Variants in IFRD2 observed in about 807,000 individuals in gnomAD.
The protein encoded by IFRD2 is interferon related developmental regulator 2, also known as interferon-related developmental regulator 2.
In IFRD2, 35 loss-of-function variants were observed where a neutral mutation model predicts 49.2. That is an observed-to-expected ratio of 0.71 (90% CI 0.54 to 0.94). The LOEUF (loss-of-function observed/expected upper bound fraction) is 0.94. Among genes scored for constraint, IFRD2 ranks in the 40% least tolerant of loss-of-function variants. IFRD2 has a pLI of 0.00. For synonymous variants in IFRD2, 275 were observed against 239.7 expected (o/e 1.15, Z -1.36); for missense variants, 561 against 591.6 (o/e 0.95, Z 0.54).
intron 1 of IFRD2, among the ~76,000 whole-genome samples, chr3:50,291,495 C>G (rs996693029): frequency 6.6e-6 from 1 of 152,132 alleles, no homozygotes; most frequent in Non-Finnish European, 1.5e-5. Context: ...GGGGCTGACA[C>G]CACTCAGTGA....
At chr3:50,289,871 AC>A (rs1701638071) in intron 5 of IFRD2, 57 bp downstream of exon 5, 3 of 1,604,888 alleles carry the variant, frequency 1.9e-6, no homozygotes, top group Admixed American at 1.7e-5. Context: ...GGGGGAACCC[AC>A]CACTCTGCTG....
chr3:50,289,251 G>A lies in IFRD2; in HGVS notation c.885+4C>T, dbSNP rs782085860. The A allele has an allele frequency of 1.8e-5, 28 of 1,564,912 alleles. No homozygotes were observed. The highest frequency in any genetic ancestry group is 1.3e-4 in the South Asian group (11 of 84,876). On this transcript the variant is annotated splice_donor_region_variant and intron_variant, in intron 8 of 11. Coordinates refer to ENST00000417626, the MANE Select transcript of IFRD2 (RefSeq NM_006764.5). ...CAAGCACCCCCCATCCTTGTCCCTC[G>A]CACCTCAAGGTCCCGGGCAAGCTCA... is the stretch of plus-strand genomic sequence containing the variant.
At position 50,288,558 on chromosome 3, in the gene IFRD2, G is replaced by A. The variant is rs374057124; in HGVS notation, c.1152+25C>T. ...CCAGACTGAAGCAACCACACCAGAT[G>A]TCCCCTCCCTGTCCGTCCCCGCACC... is the stretch of plus-strand genomic sequence containing the variant. On this transcript the variant is annotated intron_variant, in intron 10 of 11. Coordinates refer to ENST00000417626, the MANE Select transcript of IFRD2 (RefSeq NM_006764.5). The A allele has an allele frequency of 2.7e-5, 44 of 1,613,992 alleles. No individual in the cohort carries two copies. In the African/African-American group the frequency reaches 4.9e-4, roughly 18 times the overall value.
Position 50,288,587 on chromosome 3 carries a change from AGGT to A in IFRD2, c.1145_1147del (p.His382del). The A allele has an allele frequency of 6.2e-7, 1 of 1,613,936 alleles. No individual in the cohort carries two copies. The highest frequency in any genetic ancestry group is 8.5e-7 in the Non-Finnish European group (1 of 1,179,880). ...CCTCCCTGTCCGTCCCCGCACCTGG[AGGT>A]GGTGGTGCATGCCCGAACCCAGCAC... On this transcript the variant is annotated inframe_deletion, in exon 10 of 12. Transcript: ENST00000417626.
In IFRD2 at chr3:50,290,313, G is replaced by T. The variant is rs199620289; in HGVS notation, c.264-19C>A. 2 of 1,608,172 alleles carry T rather than the reference G, an allele frequency of 1.2e-6. No individual in the cohort carries two copies. Among genetic ancestry groups the T allele is most frequent in the Non-Finnish European group, 1.7e-6 (2 of 1,177,254 alleles). ...CTTGGCACTGGGGGAGGTCGAGAAG[G>T]GGGGTCATATGGGCCAGCCCTCCCT... is the stretch of plus-strand genomic sequence containing the variant. On this transcript the variant is annotated intron_variant, in intron 3 of 11. Coordinates refer to ENST00000417626, the MANE Select transcript of IFRD2 (RefSeq NM_006764.5).
In IFRD2 at chr3:50,289,632, G is replaced by C; in HGVS notation, c.598-4C>G. ...AGGCAAGGCAAGAGACCAGGTCCTA[G>C]GAGCACAGAGAGGCAGGGGAGCTCA... On this transcript the variant is annotated splice_polypyrimidine_tract_variant and splice_region_variant and intron_variant, in intron 6 of 11. Coordinates refer to ENST00000417626, the MANE Select transcript of IFRD2 (RefSeq NM_006764.5). The C allele has an allele frequency of 6.3e-7, 1 of 1,599,232 alleles. No homozygotes were observed. Among genetic ancestry groups the C allele is most frequent in the Non-Finnish European group, 8.5e-7 (1 of 1,173,108 alleles).
At chr3:50,290,714 CT>C in intron 1 of IFRD2, 35 bp from the exon 2 acceptor site, 1 of 1,607,132 alleles carries the variant, frequency 6.2e-7, no homozygotes, top group Non-Finnish European at 8.5e-7. Context: ...CAACTTGCCT[CT>C]ACTGATGAGG....
intron 4 of IFRD2, 25 bp from the exon 5 acceptor site, chr3:50,290,111 C>T (rs782355994): frequency 6.8e-6 from 11 of 1,612,744 alleles, no homozygotes; most frequent in Non-Finnish European, 9.3e-6. Flanking sequence ...CCAGTCAGCC[C>T]ATGCAGCAAG....
rs781917174 is a variant in IFRD2 at position 50,288,564 on chromosome 3, T to G, written c.1152+19A>C. ...TGAAGCAACCACACCAGATGTCCCC[T>G]CCCTGTCCGTCCCCGCACCTGGAGG... On this transcript the variant is annotated intron_variant, in intron 10 of 11. Transcript: ENST00000417626. 42 of 1,613,922 alleles carry G rather than the reference T, an allele frequency of 2.6e-5. No individual in the cohort carries two copies. Among genetic ancestry groups the G allele is most frequent in the Non-Finnish European group, 3.5e-5 (41 of 1,179,860 alleles).
chr3:50,290,048 C>A lies in IFRD2; in HGVS notation c.427G>T (p.Gly143Cys), dbSNP rs201033963. The A allele has an allele frequency of 5.0e-6, 8 of 1,613,710 alleles. No homozygotes were observed. The African/African-American group carries it at 9.3e-5, about 19-fold the overall frequency. The change falls in exon 5 of 12, where the codon GGC (glycine) becomes TGC (cysteine). Residue 143 changes from glycine (G) to cysteine (C), a missense_variant. Transcript: ENST00000417626. ...GGGCCCAGCTGCACGCAGAGCAGGC[C>A]TAGCACAGCAGCAGCCAGGGCTTGT... ...EEQALAAAVL[G>C]LLCVQLGPGP...
Position 50,289,335 on chromosome 3 carries a change from A to C in IFRD2, c.805T>G (p.Leu269Val). 6.2e-7 allele frequency: 1 copy of C among 1,601,192 alleles called. No homozygotes were observed. The highest frequency in any genetic ancestry group is 1.3e-5 in the African/African-American group (1 of 74,814). The change falls in exon 8 of 12, where the codon TTG becomes GTG. Residue 269 changes from leucine (L) to valine (V), a missense_variant. By Grantham distance (32) the Leu-to-Val change is conservative (BLOSUM62 1). Coordinates refer to ENST00000417626, the MANE Select transcript of IFRD2 (RefSeq NM_006764.5). Reference protein sequence around the residue: ...DRQLPRLPQLLSSESVNLRIA... With the variant: ...DRQLPRLPQLVSSESVNLRIA... ...CGCAGGTTCACACTTTCACTGGACA[A>C]GAGCTGGGGCAGCCGGGGCAGCTGC...
chr3:50,288,755 C>G (rs1701610816), intron 9 of IFRD2, 44 bp from the exon 10 acceptor site: 1 of 1,611,848 alleles, frequency 6.2e-7, no homozygotes, highest in Admixed American at 1.7e-5. Context: ...GGCTGCTATG[C>G]CTGGGGGTGC....
Position 50,287,883 on chromosome 3 carries a change from G to C in IFRD2, c.*308C>G, listed in dbSNP as rs1193891311. The C allele has an allele frequency of 7.9e-6, 3 of 381,454 alleles. No homozygotes were observed. The highest frequency in any genetic ancestry group is 1.5e-5 in the Non-Finnish European group (3 of 205,066). The allele number at this position is 381,454 out of a possible 1,614,324, so 23.6% of individuals were successfully genotyped here. A position where few individuals can be genotyped will look rare whatever the true frequency, so the allele number is the denominator to read the frequency against. The stretch of plus-strand genomic sequence containing the variant: ...CACCCCCCTAAGAGTGGGTCATCCT[G>C]GGGGAGCAAGGCCTGAGAAAGGAAA... On this transcript the variant is annotated 3_prime_UTR_variant, in exon 12 of 12. Coordinates refer to ENST00000417626, the MANE Select transcript of IFRD2 (RefSeq NM_006764.5).
intron 5 of IFRD2, 77 bp from the exon 6 acceptor site, chr3:50,289,839 A>T (rs1362811458): frequency 6.3e-7 from 1 of 1,588,408 alleles, no homozygotes; most frequent in African/African-American, 1.3e-5. Context: ...CACTCCCCTC[A>T]GAGTAAAGGA....
Position 50,292,247 on chromosome 3 carries a change from G to T in IFRD2, c.28C>A (p.Leu10Ile). ...CCACGGCGCTGACCACCCTTCCGGA[G>T]CGTGTTGCCCTTACGGGCGCGAGGC... MPRARKGNT[L>I]RKGGQRRGGG... Residue 10 changes from leucine to isoleucine, a missense_variant, in exon 1 of 12, where the codon CTC (leucine) becomes ATC (isoleucine). Transcript: ENST00000417626. 2 of 1,517,722 alleles carry T rather than the reference G, an allele frequency of 1.3e-6. No homozygotes were observed. The highest frequency in any genetic ancestry group is 1.8e-6 in the Non-Finnish European group (2 of 1,136,584). 94.0% of individuals were successfully genotyped at this position (1,517,722 alleles called of 1,614,324 possible). A position where few individuals can be genotyped will look rare whatever the true frequency, so the allele number is the denominator to read the frequency against.
In IFRD2 at chr3:50,289,326, C is replaced by T; in HGVS notation, c.814G>A (p.Glu272Lys). Residue 272 changes from glutamate (E) to lysine (K), a missense_variant, in exon 8 of 12, where the codon GAA becomes AAA. Physicochemically the swap from Glu to Lys is moderately conservative, Grantham distance 56 (BLOSUM62 1). Coordinates refer to ENST00000417626, the MANE Select transcript of IFRD2 (RefSeq NM_006764.5). ...GCAGCGATCCGCAGGTTCACACTTTCACTGGACAAGAGCTGGGGCAGCCGG... is the reference window on the plus strand; with the variant it reads ...GCAGCGATCCGCAGGTTCACACTTTTACTGGACAAGAGCTGGGGCAGCCGG... ...LPRLPQLLSS[E>K]SVNLRIAAGE... The T allele has an allele frequency of 6.2e-7, 1 of 1,601,622 alleles. No individual in the cohort carries two copies.
At chr3:50,290,504 G>T (rs2109276601) in intron 2 of IFRD2, 32 bp from the exon 3 acceptor site, 1 of 1,597,274 alleles carries the variant, frequency 6.3e-7, no homozygotes, top group Non-Finnish European at 8.5e-7. Flanking sequence ...ACCGCTTCTT[G>T]TCCTCAGCCC....
intron 1 of IFRD2, among the ~76,000 whole-genome samples, chr3:50,291,233 C>A (rs182502637): frequency 5.6e-4 from 86 of 152,232 alleles, no homozygotes; most frequent in African/African-American, 2.0e-3. Context: ...TGGTCTCGAA[C>A]TCCTGGCCTC....
Position 50,288,598 on chromosome 3 carries a change from C to A in IFRD2, c.1137G>T (p.Met379Ile). Residue 379 changes from methionine to isoleucine, a missense_variant, in exon 10 of 12, where the codon ATG becomes ATT. By Grantham distance (10) the Met-to-Ile change is conservative. Transcript: ENST00000417626. ...AAFKEVLGSG[M>I]HHHLQNNELL... ...GTCCCCGCACCTGGAGGTGGTGGTG[C>A]ATGCCCGAACCCAGCACTTCCTTGA... 1.2e-6 allele frequency: 2 copies of A among 1,613,976 alleles called. No homozygotes were observed. Among genetic ancestry groups the A allele is most frequent in the South Asian group, 2.2e-5 (2 of 91,092 alleles).
Sources: allele counts gnomAD v4.1 joint callset (sites outside exome capture counted in the v4.1 genomes callset), GRCh38; gene constraint gnomAD v4.1.1; transcripts MANE v1.5; gene names NCBI Gene and HGNC (gene_info 2026-07-23, HGNC 2026-07-21).